PDK2: variants seen among roughly 807,000 people sequenced by gnomAD.
The protein encoded by PDK2 is pyruvate dehydrogenase kinase 2.
PDK2 carries 34 observed loss-of-function variants against 50.4 expected under a neutral mutation model. That is an observed-to-expected ratio of 0.68 (90% CI 0.51 to 0.90). The LOEUF (loss-of-function observed/expected upper bound fraction) is 0.90. PDK2 is among the 40% of genes least tolerant of loss of function. The probability of loss-of-function intolerance (pLI) is 0.00; values close to 1 mark genes in which losing one functional copy is unlikely to be tolerated. For missense variants in PDK2, 377 were observed against 544.5 expected, an observed-to-expected ratio of 0.69 and a Z score of 3.06; for synonymous variants, 232 against 216.0, an observed-to-expected ratio of 1.07 and a Z score of -0.65.
chr17:50,096,849 T>G (rs4794096), intron 1 of PDK2, among the ~76,000 whole-genome samples: 57,902 of 152,072 alleles, frequency 0.38, 11,258 homozygotes, highest in East Asian at 0.57. Context: ...ACCCTTTCCA[T>G]CTTGACACCA....
intron 2 of PDK2, among the ~76,000 whole-genome samples, chr17:50,098,254 T>C (rs1910047320): frequency 6.6e-6 from 1 of 152,206 alleles, no homozygotes; most frequent in African/African-American, 2.4e-5. Context: ...TTGACTTTGG[T>C]GGCACCCTTG....
At position 50,109,790 on chromosome 17, in the gene PDK2, G is replaced by A. The variant is rs377003325; in HGVS notation, c.1084-167G>A. ...CCCTCTCCCTCCCTTAGAGGGAGCT[G>A]CTTGCTTGAATGGGCAGGAGCGGGA... On this transcript the variant is annotated intron_variant, in intron 10 of 10. Transcript: ENST00000503176. The surrounding 1 kb of genome is among the most constrained non-coding windows in gnomAD (Gnocchi z 5.0). Among the ~76,000 whole-genome samples, 8 of 152,300 alleles carry A rather than the reference G, an allele frequency of 5.3e-5. No individual in the cohort carries two copies. In the East Asian group the frequency reaches 1.2e-3, roughly 22 times the overall value.
rs1239273207 is a variant in PDK2, at chr17:50,110,734, T to C, written c.*637T>C. ...CCGAGAGCTTGCCATCCAGCCAAGC[T>C]GCTCGAGGCCCTGCAGTGGCCTTGG... On this transcript the variant is annotated 3_prime_UTR_variant, in exon 11 of 11. Coordinates refer to ENST00000503176, the MANE Select transcript of PDK2 (RefSeq NM_002611.5). The C allele has an allele frequency of 6.6e-6, 1 of 152,256 alleles. No homozygotes were observed. The highest frequency in any genetic ancestry group is 1.5e-5 in the Non-Finnish European group (1 of 68,056). 9.4% of individuals were successfully genotyped at this position (152,256 alleles called of 1,614,324 possible). A position where few individuals can be genotyped will look rare whatever the true frequency, so the allele number is the denominator to read the frequency against.
chr17:50,097,664 G>T, intron 2 of PDK2, 100 bp downstream of exon 2: 1 of 1,437,014 alleles, frequency 7.0e-7, no homozygotes, highest in East Asian at 2.3e-5. Flanking sequence ...TGAGGGTGGG[G>T]TGGGGACAGA....
At chr17:50,095,100 G>A (rs1909858153), upstream of PDK2, among the ~76,000 whole-genome samples, 1 of 152,264 alleles carries the variant, frequency 6.6e-6, no homozygotes, top group African/African-American at 2.4e-5. Context: ...GTTAACCCGG[G>A]CTTCGCCCCG....
intron 1 of PDK2, chr17:50,095,938 C>T (rs773660965): frequency 6.5e-5 from 33 of 508,288 alleles, no homozygotes; most frequent in Non-Finnish European, 8.0e-5. Context: ...CAGAGGAAAC[C>T]GGGGGTCTGC....
chr17:50,096,325 T>G, intron 1 of PDK2: 1 of 984,474 alleles, frequency 1.0e-6, no homozygotes, highest in Non-Finnish European at 1.2e-6. Context: ...GGGGTGGCCC[T>G]GGGGCAGGAG....
In PDK2 at chr17:50,103,621, C is replaced by T. The variant is rs1218145781; in HGVS notation, c.261-1750C>T. Among the ~76,000 whole-genome samples the T allele has an allele frequency of 2.0e-5, 3 of 152,190 alleles. No individual in the cohort carries two copies. The East Asian group carries it at 5.8e-4, about 29-fold the overall frequency. ...AGGTTCCATGACTTACCCAGAGCCA[C>T]ACAGCTCCAAGTGCTTAAAGAGCCA... On this transcript the variant is annotated intron_variant, in intron 2 of 10. Transcript: ENST00000503176.
Position 50,095,521 on chromosome 17 carries a change from C to G in PDK2, c.86C>G (p.Ser29Cys), listed in dbSNP as rs772555190. The G allele has an allele frequency of 1.2e-6, 2 of 1,606,960 alleles. No individual in the cohort carries two copies. The highest frequency in any genetic ancestry group is 4.5e-5 in the East Asian group (2 of 44,654). The change falls in exon 1 of 11, where the codon TCC becomes TGC. Residue 29 changes from serine (S) to cysteine (C), a missense_variant. Physicochemically the swap from Ser to Cys is moderately radical, Grantham distance 112. Coordinates refer to ENST00000503176, the MANE Select transcript of PDK2 (RefSeq NM_002611.5). ...YIEHFSKFSP[S>C]PLSMKQFLDF... is the part of the protein sequence containing the mutation. Reference sequence around the variant, plus strand: ...GAGCACTTCAGCAAGTTCTCCCCGTCCCCGCTGTCCATGAAGCAGTTTCTG... The same window carrying G: ...GAGCACTTCAGCAAGTTCTCCCCGTGCCCGCTGTCCATGAAGCAGTTTCTG...
rs371951208 is a variant in PDK2, at chr17:50,108,737, C to T, written c.969+18C>T. ...CGCCGCTGGTGAGATGGCTTCACCC[C>T]AGCCCCTCCCACCTCCTGAGGGAGG... On this transcript the variant is annotated intron_variant, in intron 9 of 10. Coordinates refer to ENST00000503176, the MANE Select transcript of PDK2 (RefSeq NM_002611.5). 86 of 1,469,828 alleles carry T rather than the reference C, an allele frequency of 5.9e-5. No individual in the cohort carries two copies. Among genetic ancestry groups the T allele is most frequent in the Non-Finnish European group, 7.4e-5 (79 of 1,062,748 alleles). 91.0% of individuals were successfully genotyped at this position (1,469,828 alleles called of 1,614,324 possible).
intron 2 of PDK2, 91 bp from the exon 3 acceptor site, chr17:50,105,280 C>T (rs947940078): frequency 3.6e-6 from 3 of 828,070 alleles, no homozygotes; most frequent in Non-Finnish European, 3.6e-6. Flanking sequence ...CGCGTAGGAG[C>T]AGGACAAGAG....
At chr17:50,096,417 G>C in intron 1 of PDK2, 1 of 539,200 alleles carries the variant, frequency 1.9e-6, no homozygotes, top group South Asian at 8.1e-5. Flanking sequence ...GTGCCAGCTG[G>C]GGACTGGGGG....
rs80111505 is a variant in PDK2, at chr17:50,111,490, G to A, written c.*1393G>A. The stretch of plus-strand genomic sequence containing the variant: ...AGTGTCCTCATATCTGTTTCCCTCC[G>A]AAGCCCCTCTCCCAGCACAGATAGC... On this transcript the variant is annotated 3_prime_UTR_variant, in exon 11 of 11. Coordinates refer to ENST00000503176, the MANE Select transcript of PDK2 (RefSeq NM_002611.5). 906 of 152,312 alleles carry A rather than the reference G, an allele frequency of 5.9e-3. 46 individuals carry two copies. In the South Asian group the frequency reaches 0.12, roughly 20 times the overall value. The allele number at this position is 152,312 out of a possible 1,614,324, so 9.4% of individuals were successfully genotyped here.
Position 50,109,829 on chromosome 17 carries a change from A to T in PDK2, c.1084-128A>T. 1 of 1,055,136 alleles carries T rather than the reference A, an allele frequency of 9.5e-7. No homozygotes were observed. The allele number at this position is 1,055,136 out of a possible 1,614,324, so 65.4% of individuals were successfully genotyped here. On this transcript the variant is annotated intron_variant, in intron 10 of 10. Transcript: ENST00000503176. The surrounding 1 kb of genome is among the most constrained non-coding windows in gnomAD (Gnocchi z 5.0). ...GCAGGAGCGGGACACAGGAGGGACC[A>T]CCCTTTTGTGGTCTTTCCAGGCCCC...
Position 50,109,890 on chromosome 17 carries a change from G to A in PDK2, c.1084-67G>A. 7.1e-7 allele frequency: 1 copy of A among 1,407,758 alleles called. No homozygotes were observed. Among genetic ancestry groups the A allele is most frequent in the Non-Finnish European group, 9.4e-7 (1 of 1,065,998 alleles). The allele number at this position is 1,407,758 out of a possible 1,614,324, so 87.2% of individuals were successfully genotyped here. On this transcript the variant is annotated intron_variant, in intron 10 of 10. Coordinates refer to ENST00000503176, the MANE Select transcript of PDK2 (RefSeq NM_002611.5). This position sits in a 1 kb window ranked among gnomAD's most constrained non-coding sequence, Gnocchi z 5.0. ...AGCTGGGCTGCCGCTGAGCTGGGGT[G>A]GGGTGGTCTGCTGAGGAGTGGACAA...
In PDK2 at chr17:50,111,333, G is replaced by A. The variant is rs892739115; in HGVS notation, c.*1236G>A. ...ATTCTGGTCACTGGCACATCATAAG[G>A]ATTTATTGAAATAAATTGAGAACTG... On this transcript the variant is annotated 3_prime_UTR_variant, in exon 11 of 11. Transcript: ENST00000503176. 1 of 152,268 alleles carries A rather than the reference G, an allele frequency of 6.6e-6. No individual in the cohort carries two copies. The highest frequency in any genetic ancestry group is 2.1e-4 in the South Asian group (1 of 4,822). The allele number at this position is 152,268 out of a possible 1,614,324, so 9.4% of individuals were successfully genotyped here.
At chr17:50,104,683 C>T (rs1217367368) in intron 2 of PDK2, among the ~76,000 whole-genome samples, 9 of 152,238 alleles carry the variant, frequency 5.9e-5, no homozygotes, top group Admixed American at 5.9e-4. Context: ...TGGCCTTTTG[C>T]AGTAGAGTGA....
At chr17:50,102,979 C>T (rs557180517) in intron 2 of PDK2, among the ~76,000 whole-genome samples, 4 of 152,244 alleles carry the variant, frequency 2.6e-5, no homozygotes, top group African/African-American at 9.6e-5. Flanking sequence ...TATCACTAAC[C>T]TCTCAGTGCT....
chr17:50,105,498 G>A (rs1910459967), intron 3 of PDK2, 56 bp downstream of exon 3: 14 of 1,447,736 alleles, frequency 9.7e-6, no homozygotes, highest in Non-Finnish European at 1.4e-5. Context: ...GGGCATCTGG[G>A]GTTGCAGCCC....
Sources: gnomAD v4.1 joint callset for allele counts (sites outside exome capture counted in the v4.1 genomes callset) on GRCh38, gnomAD v4.1.1 for gene constraint, Gnocchi (gnomAD v3.1) non-coding constraint, MANE v1.5 for transcripts, NCBI Gene and HGNC (gene_info 2026-07-23, HGNC 2026-07-21) for gene names.